The following EP400 variants were observed in gnomAD, a reference collection of about 807,000 sequenced individuals.
EP400 encodes the protein E1A-binding protein p400.
A neutral mutation model predicts 354.1 loss-of-function variants in EP400; 105 were observed. The ratio of observed to expected loss-of-function variants is 0.30; its 90% CI spans 0.25 to 0.35. The LOEUF (loss-of-function observed/expected upper bound fraction) is 0.35, where lower values mean the gene tolerates loss of function less well. Ranked by LOEUF, EP400 falls within the 10% of genes least tolerant of loss-of-function variation. The probability of loss-of-function intolerance (pLI) is 1.00; values close to 1 mark genes in which losing one functional copy is unlikely to be tolerated. For missense variants in EP400, 3,280 were observed against 4,121.0 expected (o/e 0.80, Z 5.59); for synonymous variants, 1,646 against 1,716.9 (o/e 0.96, Z 1.02).
rs930926064 is a variant in EP400, at chr12:132,054,702, C to T, written c.7729-272C>T. On this transcript the variant is annotated intron_variant, in intron 43 of 52. Transcript: ENST00000389561. The surrounding 1 kb of genome is among the most constrained non-coding windows in gnomAD (Gnocchi z 4.0). Reference sequence around the variant, plus strand: ...AGGGTGGATGAATGGAGTGGAGGGACGGAGGAGTGGAGGGACAGTGGGGTG... The same window carrying T: ...AGGGTGGATGAATGGAGTGGAGGGATGGAGGAGTGGAGGGACAGTGGGGTG... Among the ~76,000 whole-genome samples the T allele has an allele frequency of 2.7e-5, 4 of 150,624 alleles. No individual in the cohort carries two copies. The highest frequency in any genetic ancestry group is 4.2e-4 in the South Asian group (2 of 4,732).
rs1244253067 is a variant in EP400 at position 131,994,859 on chromosome 12, C to T, written c.2738-8C>T. 1 of 1,613,428 alleles carries T rather than the reference C, an allele frequency of 6.2e-7. No homozygotes were observed. The highest frequency in any genetic ancestry group is 8.5e-7 in the Non-Finnish European group (1 of 1,179,696). On this transcript the variant is annotated splice_region_variant and splice_polypyrimidine_tract_variant and intron_variant, in intron 11 of 52. Coordinates refer to ENST00000389561, the MANE Select transcript of EP400 (RefSeq NM_015409.5). The surrounding 1 kb of genome is among the most constrained non-coding windows in gnomAD (Gnocchi z 4.6). ...CCTCTCAGTGACACTTGCTGATAAC[C>T]ATTTTAGTGGACGATGAAGAGGAAA...
Position 132,070,046 on chromosome 12 carries a change from T to C in EP400, c.9021+405T>C, listed in dbSNP as rs1318211585. 6.6e-6 allele frequency among the ~76,000 whole-genome samples: 1 copy of C among 152,194 alleles called. No individual in the cohort carries two copies. The highest frequency in any genetic ancestry group is 2.4e-5 in the African/African-American group (1 of 41,442). ...TGGGAGAACTGAGTTCCTGATTTCA[T>C]GTGTGCAGTGTGCCCTCCCGTCTTC... On this transcript the variant is annotated intron_variant, in intron 51 of 52. Transcript: ENST00000389561. The surrounding 1 kb of genome is among the most constrained non-coding windows in gnomAD (Gnocchi z 4.1).
At chr12:132,064,575 T>C in intron 47 of EP400, 93 bp from the exon 48 acceptor site, 5 of 1,496,882 alleles carry the variant, frequency 3.3e-6, no homozygotes, top group Non-Finnish European at 4.5e-6. Flanking sequence ...TGGTATTTAA[T>C]GGGCAGTAGA....
Position 132,067,146 on chromosome 12 carries a change from C to G in EP400, c.8749+177C>G. ...CTTTCCAGGCGCAAGGCTGGGTCCT[C>G]AATTGAACTGTTAACATTCTGAAAT... On this transcript the variant is annotated intron_variant, in intron 49 of 52. Transcript: ENST00000389561. This position sits in a 1 kb window ranked among gnomAD's most constrained non-coding sequence, Gnocchi z 5.3. 2 of 1,113,750 alleles carry G rather than the reference C, an allele frequency of 1.8e-6. No homozygotes were observed. The highest frequency in any genetic ancestry group is 5.9e-5 in the Admixed American group (2 of 33,986). The allele number at this position is 1,113,750 out of a possible 1,614,324, so 69.0% of individuals were successfully genotyped here.
intron 2 of EP400, among the ~76,000 whole-genome samples, chr12:131,967,059 G>A (rs1454405232): frequency 6.6e-6 from 1 of 151,928 alleles, no homozygotes; most frequent in Non-Finnish European, 1.5e-5. Flanking sequence ...GGGCCACAGG[G>A]CCACATAGTG....
At chr12:132,061,622 G>A (rs917067348) in intron 45 of EP400, among the ~76,000 whole-genome samples, 1 of 152,194 alleles carries the variant, frequency 6.6e-6, no homozygotes, top group Non-Finnish European at 1.5e-5. Flanking sequence ...GGACTGCAGG[G>A]CACAGTGAGG....
intron 2 of EP400, among the ~76,000 whole-genome samples, chr12:131,974,312 C>T (rs1300803766): frequency 6.6e-6 from 1 of 152,104 alleles, no homozygotes; most frequent in Non-Finnish European, 1.5e-5. Context: ...ATGGAGGTCT[C>T]ACTTTGTTGC....
chr12:131,995,161 C>G (rs1227336863), intron 12 of EP400: 5 of 510,212 alleles, frequency 9.8e-6, no homozygotes, highest in African/African-American at 9.7e-5. Flanking sequence ...CCCTGACTGT[C>G]TTTCTTCCCT....
intron 22 of EP400, 57 bp from the exon 23 acceptor site, chr12:132,021,022 T>C (rs927124414): frequency 6.0e-6 from 9 of 1,493,164 alleles, no homozygotes; most frequent in East Asian, 4.9e-5. Context: ...GTTTAAAATA[T>C]TGTATTTTAT....
At chr12:132,040,613 C>T (rs1056528393) in intron 32 of EP400, among the ~76,000 whole-genome samples, 22 of 151,872 alleles carry the variant, frequency 1.4e-4, no homozygotes, top group Non-Finnish European at 2.5e-4. Context: ...GATACAGGGT[C>T]GAAAAAAGAC....
chr12:132,033,666 G>C (rs1894598794), intron 30 of EP400, among the ~76,000 whole-genome samples: 1 of 151,966 alleles, frequency 6.6e-6, no homozygotes, highest in Non-Finnish European at 1.5e-5. Context: ...CAAGTGGCTG[G>C]GACTACAGGT....
chr12:131,976,749 A>C (rs949060611), intron 2 of EP400, among the ~76,000 whole-genome samples: 5 of 152,108 alleles, frequency 3.3e-5, no homozygotes, highest in African/African-American at 1.2e-4. Context: ...GCAACAAAAA[A>C]CCTGCATACT....
In EP400 at chr12:132,017,178, CG is replaced by C. The variant is rs11319566; in HGVS notation, c.3924-354del. Reference sequence around the variant, plus strand: ...AGGACCAGGCGTCAGAGCTGCCGAGCGGGTGTGTGAGGGGCTTTACTCTGCT... The same window carrying C: ...AGGACCAGGCGTCAGAGCTGCCGAGCGGTGTGTGAGGGGCTTTACTCTGCT... On this transcript the variant is annotated intron_variant, in intron 19 of 52. Transcript: ENST00000389561. The surrounding 1 kb of genome is among the most constrained non-coding windows in gnomAD (Gnocchi z 5.0). 0.12 allele frequency among the ~76,000 whole-genome samples: 18,779 copies of C among 152,266 alleles called. 2,390 individuals are homozygous for C. The highest frequency in any genetic ancestry group is 0.32 in the African/African-American group (13,313 of 41,516).
At position 132,018,683 on chromosome 12, in the gene EP400, C is replaced by T. The variant is rs1180703131; in HGVS notation, c.4277+307C>T. On this transcript the variant is annotated intron_variant, in intron 21 of 52. Coordinates refer to ENST00000389561, the MANE Select transcript of EP400 (RefSeq NM_015409.5). The surrounding 1 kb of genome is among the most constrained non-coding windows in gnomAD (Gnocchi z 4.0). ...CCTCGTGTGGTGGAGGCTGGTGTGG[C>T]CGAACCACACATGTGTCGTGAGTGT... is the stretch of plus-strand genomic sequence containing the variant. 1.3e-5 allele frequency among the ~76,000 whole-genome samples: 2 copies of T among 152,164 alleles called. No individual in the cohort carries two copies. The highest frequency in any genetic ancestry group is 4.8e-5 in the African/African-American group (2 of 41,416).
chr12:132,028,396 A>C, intron 27 of EP400, 108 bp downstream of exon 27: 1 of 1,376,200 alleles, frequency 7.3e-7, no homozygotes, highest in Non-Finnish European at 1.0e-6. Context: ...GCTTCTCCCC[A>C]CGCTGTCCCT....
chr12:131,999,484 G>C (rs1357700164), intron 12 of EP400, among the ~76,000 whole-genome samples: 6 of 152,168 alleles, frequency 3.9e-5, no homozygotes, highest in Admixed American at 2.0e-4. Flanking sequence ...TGTCGCCCAG[G>C]CTGGAGTGCA....
chr12:132,015,533 C>G (rs1893899278), intron 19 of EP400, among the ~76,000 whole-genome samples: 1 of 152,224 alleles, frequency 6.6e-6, no homozygotes, highest in Non-Finnish European at 1.5e-5. Context: ...GACCCATTGC[C>G]CTTCTGTGGT....
intron 45 of EP400, among the ~76,000 whole-genome samples, chr12:132,060,925 AAAAAC>A (rs1895672199): frequency 6.6e-6 from 1 of 151,944 alleles, no homozygotes; most frequent in South Asian, 2.1e-4. Context: ...AAAAAAAAAA[AAAAAC>A]AAAAAACAAA....
At chr12:132,045,985 T>C in intron 39 of EP400, 85 bp downstream of exon 39, 2 of 1,480,146 alleles carry the variant, frequency 1.4e-6, no homozygotes, top group Non-Finnish European at 1.8e-6. Flanking sequence ...AGTCCTGCTC[T>C]TCACTGACTG....
Sources: gnomAD v4.1 joint callset for allele counts (sites outside exome capture counted in the v4.1 genomes callset) on GRCh38, gnomAD v4.1.1 for gene constraint, Gnocchi (gnomAD v3.1) non-coding constraint, MANE v1.5 for transcripts, NCBI Gene and HGNC (gene_info 2026-07-23, HGNC 2026-07-21) for gene names.